IL1RAPL1: variants seen among roughly 807,000 people sequenced by gnomAD.
IL1RAPL1 encodes the protein interleukin-1 receptor accessory protein-like 1.
A neutral mutation model predicts 48.4 loss-of-function variants in IL1RAPL1; 3 were observed. The observed-to-expected ratio is 0.06, with a 90% CI of 0.03 to 0.16. IL1RAPL1 has a LOEUF of 0.16. Among genes scored for constraint, IL1RAPL1 ranks in the 10% least tolerant of loss-of-function variants. The pLI, the probability that IL1RAPL1 is intolerant of heterozygous loss-of-function variation, is 1.00. For missense variants in IL1RAPL1, 349 were observed against 530.6 expected, an observed-to-expected ratio of 0.66 and a Z score of 3.36; for synonymous variants, 185 against 187.7, an observed-to-expected ratio of 0.99 and a Z score of 0.12.
intron 1 of IL1RAPL1, among the ~76,000 whole-genome samples, chrX:28,663,708 C>T (rs1934845242): frequency 1.8e-5 from 2 of 109,917 alleles, no homozygotes; most frequent in Admixed American, 2.0e-4. Flanking sequence ...TAGTGAACTG[C>T]CTTTACATAG....
chrX:29,434,489 A>G (rs1934458814), intron 5 of IL1RAPL1, among the ~76,000 whole-genome samples: 1 of 111,044 alleles, frequency 9.0e-6, no homozygotes, highest in Non-Finnish European at 1.9e-5. Context: ...CATGTGAAGT[A>G]ATACTTCTTT....
chrX:29,478,400 T>C (rs936317752), intron 5 of IL1RAPL1, among the ~76,000 whole-genome samples: 1 of 111,569 alleles, frequency 9.0e-6, no homozygotes, highest in African/African-American at 3.3e-5. Context: ...GCACCTCCAC[T>C]CTTGCCTCTG....
intron 5 of IL1RAPL1, among the ~76,000 whole-genome samples, chrX:29,414,104 A>G (rs185013951): frequency 9.0e-6 from 1 of 111,286 alleles, no homozygotes; most frequent in Admixed American, 9.6e-5. Flanking sequence ...GACCCATTTG[A>G]TCATGATTCC....
At chrX:29,155,952 ATAAT>A (rs1267081993) in intron 2 of IL1RAPL1, among the ~76,000 whole-genome samples, 1 of 110,943 alleles carries the variant, frequency 9.0e-6, no homozygotes, top group African/African-American at 3.3e-5. Flanking sequence ...CAGGAATCTA[ATAAT>A]TTATAGTATA....
intron 2 of IL1RAPL1, among the ~76,000 whole-genome samples, chrX:28,870,056 GA>G (rs745766855): frequency 3.6e-5 from 4 of 111,332 alleles, no homozygotes; most frequent in African/African-American, 1.3e-4. Context: ...TTTTATTGCT[GA>G]ATAATATTCC....
intron 2 of IL1RAPL1, among the ~76,000 whole-genome samples, chrX:28,904,205 A>G (rs1923157317): frequency 9.0e-6 from 1 of 111,628 alleles, no homozygotes. Context: ...TTAATCATAA[A>G]TAAATAATTG....
intron 8 of IL1RAPL1, among the ~76,000 whole-genome samples, chrX:29,926,539 C>G (rs144073170): frequency 1.2e-3 from 130 of 112,179 alleles, no homozygotes; most frequent in Non-Finnish European, 2.1e-3. Context: ...GTATTTCTCT[C>G]TTACATGCTT....
chrX:29,861,053 GT>G (rs1327461361), intron 6 of IL1RAPL1, among the ~76,000 whole-genome samples: 1 of 112,069 alleles, frequency 8.9e-6, no homozygotes, highest in African/African-American at 3.2e-5. Flanking sequence ...GAGCTCAGGA[GT>G]TAATGCTGTA....
intron 2 of IL1RAPL1, among the ~76,000 whole-genome samples, chrX:28,840,909 T>C (rs1921354024): frequency 9.0e-6 from 1 of 110,929 alleles, no homozygotes; most frequent in Admixed American, 9.7e-5. Flanking sequence ...TAATTTCCAA[T>C]GGAAATATGT....
chrX:29,107,506 G>T (rs919965105), intron 2 of IL1RAPL1, among the ~76,000 whole-genome samples: 2 of 111,540 alleles, frequency 1.8e-5, no homozygotes, highest in African/African-American at 6.5e-5. Flanking sequence ...AGTAGGAAAA[G>T]AAAGAAAACA....
intron 6 of IL1RAPL1, among the ~76,000 whole-genome samples, chrX:29,731,022 T>G (rs1472133367): frequency 8.9e-6 from 1 of 112,405 alleles, no homozygotes; most frequent in Non-Finnish European, 1.9e-5. Context: ...TCAAAGCTAT[T>G]TTTAATTTTC....
At chrX:29,455,822 T>C (rs1276097775) in intron 5 of IL1RAPL1, among the ~76,000 whole-genome samples, 2 of 111,813 alleles carry the variant, frequency 1.8e-5, no homozygotes, top group East Asian at 5.5e-4. Flanking sequence ...AAAAGTAGTT[T>C]TATTTCTCCT....
At chrX:29,510,657 C>T (rs1277994608) in intron 5 of IL1RAPL1, among the ~76,000 whole-genome samples, 3 of 111,752 alleles carry the variant, frequency 2.7e-5, no homozygotes, top group Admixed American at 9.5e-5. Flanking sequence ...TGTGACATTG[C>T]CCATAGACTG....
intron 3 of IL1RAPL1, among the ~76,000 whole-genome samples, chrX:29,336,142 T>C (rs1012746873): frequency 2.1e-4 from 22 of 103,907 alleles, no homozygotes; most frequent in Non-Finnish European, 4.1e-4. Flanking sequence ...ATCTATACCT[T>C]ATATACCTAT....
intron 2 of IL1RAPL1, among the ~76,000 whole-genome samples, chrX:28,851,098 T>C (rs1314205919): frequency 9.6e-6 from 1 of 104,519 alleles, no homozygotes; most frequent in Non-Finnish European, 1.9e-5. Flanking sequence ...TATGCAATTT[T>C]GTAACAGAGG....
At chrX:29,523,736 A>G (rs1298040768) in intron 5 of IL1RAPL1, among the ~76,000 whole-genome samples, 1 of 111,752 alleles carries the variant, frequency 8.9e-6, no homozygotes, top group East Asian at 2.8e-4. Flanking sequence ...TGAGCCCTGA[A>G]TATATTTTTC....
At chrX:28,915,807 G>C (rs1486007075) in intron 2 of IL1RAPL1, among the ~76,000 whole-genome samples, 1 of 111,038 alleles carries the variant, frequency 9.0e-6, no homozygotes, top group Non-Finnish European at 1.9e-5. Context: ...ACCTGTAAAT[G>C]CTCTTGATAT....
chrX:29,136,406 C>T (rs1296689186), intron 2 of IL1RAPL1, among the ~76,000 whole-genome samples: 2 of 111,759 alleles, frequency 1.8e-5, no homozygotes, highest in Non-Finnish European at 3.8e-5. Flanking sequence ...GGATTACAGG[C>T]GTGAGCTAAC....
intron 2 of IL1RAPL1, among the ~76,000 whole-genome samples, chrX:28,877,095 C>T (rs976597311): frequency 1.8e-5 from 2 of 111,909 alleles, no homozygotes; most frequent in African/African-American, 6.5e-5. Context: ...GTTTGAAATA[C>T]GTAAATTCTT....
Sources: gnomAD v4.1 joint callset for allele counts (sites outside exome capture counted in the v4.1 genomes callset) on GRCh38, gnomAD v4.1.1 for gene constraint, MANE v1.5 for transcripts, NCBI Gene and HGNC (gene_info 2026-07-23, HGNC 2026-07-21) for gene names.